THSD7B: variants seen among roughly 807,000 people sequenced by gnomAD.
THSD7B encodes the protein thrombospondin type-1 domain-containing protein 7B.
Under a neutral mutation model 213.6 loss-of-function variants are expected in THSD7B, and 138 were observed. That is an observed-to-expected ratio of 0.65 (90% CI 0.56 to 0.74). THSD7B has a LOEUF of 0.74. Ranked by LOEUF, THSD7B falls within the 30% of genes least tolerant of loss-of-function variation. The pLI, the probability that THSD7B is intolerant of heterozygous loss-of-function variation, is 0.00. For synonymous variants in THSD7B, 742 were observed against 687.0 expected (o/e 1.08, Z -1.25); for missense variants, 1,931 against 1,991.5 (o/e 0.97, Z 0.58).
chr2:136,923,971 G>A (rs537868402), intron 2 of THSD7B, among the ~76,000 whole-genome samples: 125 of 152,204 alleles, frequency 8.2e-4, no homozygotes, highest in African/African-American at 3.0e-3. Context: ...AATCTCATTT[G>A]TCTTTTCTTG....
At chr2:137,076,084 G>T (rs1376567373) in intron 3 of THSD7B, among the ~76,000 whole-genome samples, 1 of 152,186 alleles carries the variant, frequency 6.6e-6, no homozygotes, top group Non-Finnish European at 1.5e-5. Flanking sequence ...CAAGCTGCAT[G>T]CTGGGAGAAC....
At chr2:137,501,277 A>C (rs1164800806) in intron 15 of THSD7B, among the ~76,000 whole-genome samples, 1 of 152,180 alleles carries the variant, frequency 6.6e-6, no homozygotes, top group Non-Finnish European at 1.5e-5. Flanking sequence ...AGGATTCCAC[A>C]ATCTAGCAAA....
intron 1 of THSD7B, among the ~76,000 whole-genome samples, chr2:136,847,652 T>C (rs1020818158): frequency 1.3e-5 from 2 of 152,194 alleles, no homozygotes; most frequent in Non-Finnish European, 2.9e-5. Flanking sequence ...TGATTCTCTA[T>C]AGGGACACAG....
chr2:136,918,140 A>G (rs533806849), intron 2 of THSD7B, among the ~76,000 whole-genome samples: 1 of 152,216 alleles, frequency 6.6e-6, no homozygotes, highest in Non-Finnish European at 1.5e-5. Flanking sequence ...GATTACAGAG[A>G]TTATTATTAT....
intron 10 of THSD7B, among the ~76,000 whole-genome samples, chr2:137,255,956 C>T (rs1053686656): frequency 5.3e-5 from 8 of 152,254 alleles, no homozygotes; most frequent in South Asian, 2.1e-4. Context: ...TTTTATTCAA[C>T]ACTTTGTTTT....
chr2:137,120,342 G>C (rs776513488), intron 5 of THSD7B, among the ~76,000 whole-genome samples: 3 of 152,010 alleles, frequency 2.0e-5, no homozygotes, highest in Non-Finnish European at 4.4e-5. Flanking sequence ...AAAAGGTGTG[G>C]GGAGGGGAGG....
chr2:136,829,962 A>C, intron 1 of THSD7B, among the ~76,000 whole-genome samples: 1 of 151,872 alleles, frequency 6.6e-6, no homozygotes. Flanking sequence ...TACAAGCTCT[A>C]AGTTGTGGCC....
intron 17 of THSD7B, among the ~76,000 whole-genome samples, chr2:137,608,334 A>G (rs1472719977): frequency 6.6e-6 from 1 of 151,176 alleles, no homozygotes; most frequent in East Asian, 1.9e-4. Context: ...AGATTACAAT[A>G]ACTGCAATCA....
intron 2 of THSD7B, among the ~76,000 whole-genome samples, chr2:136,993,102 A>G (rs1685818306): frequency 6.6e-6 from 1 of 152,216 alleles, no homozygotes; most frequent in South Asian, 2.1e-4. Context: ...TGATTCATAA[A>G]GTGGAGAAAC....
Position 137,546,386 on chromosome 2 carries a change from TTATATATATTATATATATTA to T in THSD7B, c.3139-16777_3139-16758del, listed in dbSNP as rs1558834218. Among the ~76,000 whole-genome samples, 31 of 33,332 alleles carry T rather than the reference TTATATATATTATATATATTA, an allele frequency of 9.3e-4. 1 individual carries two copies. Among genetic ancestry groups the T allele is most frequent in the Admixed American group, 1.4e-3 (3 of 2,088 alleles). 21.9% of individuals were successfully genotyped at this position (33,332 alleles called of 152,430 possible). A position where few individuals can be genotyped will look rare whatever the true frequency, so the allele number is the denominator to read the frequency against. ...ATTATATATATATATAATATATATA[TTATATATATTATATATATTA>T]TATATATATTATATATATTATATAT... On this transcript the variant is annotated intron_variant, in intron 15 of 27. Transcript: ENST00000409968.
chr2:137,454,186 A>G (rs1315195101), intron 15 of THSD7B, among the ~76,000 whole-genome samples: 1 of 152,132 alleles, frequency 6.6e-6, no homozygotes, highest in Admixed American at 6.5e-5. Context: ...ACTGCCATAT[A>G]ATTTTCCATA....
intron 1 of THSD7B, among the ~76,000 whole-genome samples, chr2:136,862,330 A>G (rs1447164934): frequency 3.3e-5 from 5 of 152,200 alleles, no homozygotes; most frequent in African/African-American, 4.8e-5. Context: ...CATCAGCTCT[A>G]TGTCCAGGAT....
intron 2 of THSD7B, among the ~76,000 whole-genome samples, chr2:136,888,641 A>G (rs1356004214): frequency 2.6e-5 from 4 of 152,130 alleles, no homozygotes; most frequent in African/African-American, 9.7e-5. Context: ...AAAAGTATAG[A>G]CATATGGCCT....
intron 1 of THSD7B, among the ~76,000 whole-genome samples, chr2:136,838,112 A>T (rs1204285588): frequency 6.6e-6 from 1 of 152,224 alleles, no homozygotes; most frequent in East Asian, 1.9e-4. Context: ...CAAGTATGAT[A>T]CCTGTTATTA....
Position 136,869,376 on chromosome 2 carries a change from TA to T in THSD7B, c.-35-12767del. ...TTTAAATGCTATTTAAGAGATAACC[TA>T]CTGCTGTTCTCAATTTAAATAATTT... is the stretch of plus-strand genomic sequence containing the variant. On this transcript the variant is annotated intron_variant, in intron 1 of 27. Coordinates refer to ENST00000409968, the MANE Select transcript of THSD7B (RefSeq NM_001316349.2). Among the ~76,000 whole-genome samples, 2 of 152,368 alleles carry T rather than the reference TA, an allele frequency of 1.3e-5. 1 individual carries two copies. The highest frequency in any genetic ancestry group is 4.1e-4 in the South Asian group (2 of 4,830).
intron 2 of THSD7B, among the ~76,000 whole-genome samples, chr2:137,056,029 A>G (rs1048955561): frequency 1.6e-4 from 24 of 152,192 alleles, no homozygotes; most frequent in African/African-American, 5.5e-4. Context: ...AAGTATTAAT[A>G]TTGAGTTAGA....
intron 12 of THSD7B, among the ~76,000 whole-genome samples, chr2:137,317,376 C>T (rs972106645): frequency 3.3e-5 from 5 of 152,216 alleles, no homozygotes; most frequent in South Asian, 2.1e-4. Context: ...CGTGTCTACA[C>T]GTTCTGCAAT....
At chr2:137,465,671 T>C (rs1015149525) in intron 15 of THSD7B, among the ~76,000 whole-genome samples, 1 of 152,120 alleles carries the variant, frequency 6.6e-6, no homozygotes, top group African/African-American at 2.4e-5. Flanking sequence ...CCCTAATGAA[T>C]GCAAGTGTAA....
At chr2:137,214,974 T>C (rs1020696794) in intron 7 of THSD7B, among the ~76,000 whole-genome samples, 4 of 152,128 alleles carry the variant, frequency 2.6e-5, no homozygotes, top group Admixed American at 2.6e-4. Context: ...GGTCAAATGG[T>C]ATTTCTGGTT....
Sources: gnomAD v4.1 joint callset for allele counts (sites outside exome capture counted in the v4.1 genomes callset) on GRCh38, gnomAD v4.1.1 for gene constraint, MANE v1.5 for transcripts, NCBI Gene and HGNC (gene_info 2026-07-23, HGNC 2026-07-21) for gene names.